Variants in BRD10 observed in about 807,000 individuals in gnomAD.
BRD10 encodes bromodomain containing 10.
chr9:5,940,320 A>C, the BRD10 span, among the ~76,000 whole-genome samples: 1 of 152,052 alleles, frequency 6.6e-6, no homozygotes, highest in African/African-American at 2.4e-5. Context: ...CAGCCTCCCG[A>C]GTAGCTGGGA....
chr9:5,917,200 T>C, the BRD10 span, among the ~76,000 whole-genome samples: 1 of 152,194 alleles, frequency 6.6e-6, no homozygotes, highest in South Asian at 2.1e-4. Flanking sequence ...TTTGAAGAAG[T>C]GCTATGTTGT....
the BRD10 span, among the ~76,000 whole-genome samples, chr9:5,899,934 A>G: frequency 3.3e-5 from 5 of 152,164 alleles, no homozygotes; most frequent in South Asian, 1.0e-3. Context: ...TTACACCCAG[A>G]CATGTTGGAA....
At chr9:5,906,911 A>G in the BRD10 span, 2 of 1,591,506 alleles carry the variant, frequency 1.3e-6, no homozygotes, top group African/African-American at 1.4e-5. Flanking sequence ...TTGGCACTCA[A>G]TGTGCCTTAA....
the BRD10 span, chr9:5,910,352 C>A: frequency 6.6e-6 from 1 of 152,154 alleles, no homozygotes; most frequent in South Asian, 2.1e-4. Context: ...AGATGTATTA[C>A]ACACATCGAA....
the BRD10 span, chr9:5,929,273 T>C: frequency 1.8e-6 from 1 of 551,808 alleles, no homozygotes; most frequent in Non-Finnish European, 3.2e-6. Context: ...GTATTTCTTC[T>C]TCAGAAGCTT....
chr9:5,924,735 G>C, the BRD10 span: 1 of 1,606,838 alleles, frequency 6.2e-7, no homozygotes, highest in Non-Finnish European at 8.5e-7. Flanking sequence ...TCCCTTAGGA[G>C]AGTCTTTTCC....
At chr9:6,003,079 C>A in the BRD10 span, among the ~76,000 whole-genome samples, 5 of 150,820 alleles carry the variant, frequency 3.3e-5, no homozygotes, top group Non-Finnish European at 5.9e-5. Context: ...TTTAAGAAAG[C>A]CTTTTTATCC....
the BRD10 span, among the ~76,000 whole-genome samples, chr9:5,928,777 CTTTA>C: frequency 6.6e-6 from 1 of 152,136 alleles, no homozygotes; most frequent in Admixed American, 6.6e-5. Flanking sequence ...CCTTACCTTG[CTTTA>C]TTTTTCTTCA....
chr9:5,888,556 A>T, the BRD10 span, among the ~76,000 whole-genome samples: 1 of 152,234 alleles, frequency 6.6e-6, no homozygotes, highest in African/African-American at 2.4e-5. Context: ...GACAATTTGC[A>T]ACATCGACAA....
chr9:5,894,471 G>C, the BRD10 span, among the ~76,000 whole-genome samples: 27 of 152,306 alleles, frequency 1.8e-4, no homozygotes, highest in African/African-American at 4.3e-4. The surrounding 1 kb of genome is among the most constrained non-coding windows in gnomAD (Gnocchi z 4.0). Context: ...TCAGGACCTA[G>C]AGTTGGGAGG....
the BRD10 span, among the ~76,000 whole-genome samples, chr9:5,897,379 T>G: frequency 6.6e-6 from 1 of 152,160 alleles, no homozygotes; most frequent in Non-Finnish European, 1.5e-5. Flanking sequence ...CTGGGTTAGA[T>G]CCAGGTGCTG....
chr9:5,892,669 G>C, the BRD10 span: 1 of 753,504 alleles, frequency 1.3e-6, no homozygotes, highest in Non-Finnish European at 2.1e-6. Flanking sequence ...TCCCCAGACA[G>C]TAACATCCCT....
chr9:5,916,797 T>C, the BRD10 span, among the ~76,000 whole-genome samples: 2 of 152,148 alleles, frequency 1.3e-5, no homozygotes, highest in Admixed American at 1.3e-4. Flanking sequence ...GTATCATGAA[T>C]CTTTTCAGGT....
At chr9:5,926,786 C>T in the BRD10 span, among the ~76,000 whole-genome samples, 1 of 152,248 alleles carries the variant, frequency 6.6e-6, no homozygotes, top group Admixed American at 6.5e-5. Context: ...CTGCCTCGGC[C>T]TCCCAAAGTG....
chr9:5,917,159 A>G, the BRD10 span, among the ~76,000 whole-genome samples: 2 of 152,234 alleles, frequency 1.3e-5, no homozygotes, highest in Non-Finnish European at 2.9e-5. Flanking sequence ...AGGTTCCTGA[A>G]ATTAAATAAT....
chr9:5,922,006 G>C, the BRD10 span: 21 of 1,613,976 alleles, frequency 1.3e-5, no homozygotes, highest in East Asian at 4.7e-4. Context: ...AAAAAGCAGA[G>C]GAAGAAGTTG....
the BRD10 span, among the ~76,000 whole-genome samples, chr9:5,882,101 T>C: frequency 7.0e-3 from 1,069 of 152,288 alleles, 13 homozygotes; most frequent in African/African-American, 0.024. Flanking sequence ...CAGTGCTTAA[T>C]AGGAAACAGC....
the BRD10 span, among the ~76,000 whole-genome samples, chr9:5,975,298 G>C: frequency 5.9e-5 from 9 of 151,844 alleles, no homozygotes; most frequent in Non-Finnish European, 1.2e-4. Flanking sequence ...AATTAGCTGG[G>C]CGTGGTGGTG....
At chr9:5,934,301 TCA>T in the BRD10 span, among the ~76,000 whole-genome samples, 1 of 151,998 alleles carries the variant, frequency 6.6e-6, no homozygotes, top group East Asian at 1.9e-4. Flanking sequence ...TTAATTCTTG[TCA>T]CAGACATAAA....
Sources: allele counts gnomAD v4.1 joint callset (sites outside exome capture counted in the v4.1 genomes callset), GRCh38; gene constraint gnomAD v4.1.1; non-coding constraint Gnocchi (gnomAD v3.1); transcripts MANE v1.5; gene names NCBI Gene and HGNC (gene_info 2026-07-23, HGNC 2026-07-21).